The following NEB variants were observed in gnomAD, a reference collection of about 807,000 sequenced individuals.
The protein encoded by NEB is nemaline myopathy type 2.
NEB carries 512 observed loss-of-function variants against 952.2 expected under a neutral mutation model. The ratio of observed to expected loss-of-function variants is 0.54; its 90% CI spans 0.50 to 0.58. The LOEUF (loss-of-function observed/expected upper bound fraction) is 0.58, where lower values mean the gene tolerates loss of function less well. NEB is among the 20% of genes least tolerant of loss of function. The probability of loss-of-function intolerance (pLI) is 0.00; values close to 1 mark genes in which losing one functional copy is unlikely to be tolerated. For missense variants in NEB, 8,428 were observed against 9,231.1 expected, an observed-to-expected ratio of 0.91 and a Z score of 3.56; for synonymous variants, 2,900 against 3,149.8, an observed-to-expected ratio of 0.92 and a Z score of 2.66.
chr2:151,558,605 T>C (rs1383790997), intron 124 of NEB, among the ~76,000 whole-genome samples: 1 of 152,126 alleles, frequency 6.6e-6, no homozygotes, highest in Non-Finnish European at 1.5e-5. Flanking sequence ...AACAGATATA[T>C]AGACCAATGG....
intron 107 of NEB, among the ~76,000 whole-genome samples, chr2:151,573,911 G>A (rs550623411): frequency 3.8e-4 from 58 of 151,578 alleles, no homozygotes; most frequent in South Asian, 4.2e-4. Flanking sequence ...GACTTCTTCT[G>A]CAAATAATGA....
rs759578199 is a variant in NEB at position 151,554,988 on chromosome 2, A to C, written c.19371T>G (p.Ser6457Arg). Residue 6457 changes from serine to arginine, a missense_variant, in exon 125 of 182, where the codon AGT (serine) becomes AGG (arginine). Coordinates refer to ENST00000397345, the MANE Select transcript of NEB (RefSeq NM_001164508.2). ...GTGCTGTGTTCGGATCATCGTCAAC[A>C]CTTCTTGGTAACGTATAAAGAGCTT... Reference protein sequence around the residue: ...KFKALYTLPRSVDDDPNTARC... With the variant: ...KFKALYTLPRRVDDDPNTARC... 4.3e-6 allele frequency: 7 copies of C among 1,613,898 alleles called. No individual in the cohort carries two copies. The South Asian group carries it at 7.7e-5, about 18-fold the overall frequency.
chr2:151,575,907 G>T, intron 106 of NEB, 108 bp from the exon 107 acceptor site: 1 of 860,586 alleles, frequency 1.2e-6, no homozygotes, highest in Non-Finnish European at 1.9e-6. Context: ...ACCCTTTCAT[G>T]TTAGGGCAAA....
chr2:151,717,536 A>G lies in NEB; in HGVS notation c.718-16T>C, dbSNP rs1361081042. On this transcript the variant is annotated splice_polypyrimidine_tract_variant and intron_variant, in intron 9 of 181. Transcript: ENST00000397345. The stretch of plus-strand genomic sequence containing the variant: ...TGTAGGCAACCTGATGAAATAAAAG[A>G]CAGGGATGTATTTTAAAAACGATTA... The G allele has an allele frequency of 6.4e-7, 1 of 1,569,500 alleles. No individual in the cohort carries two copies. Among genetic ancestry groups the G allele is most frequent in the Non-Finnish European group, 8.8e-7 (1 of 1,140,080 alleles).
At chr2:151,731,804 G>T (rs1405071173) in intron 3 of NEB, among the ~76,000 whole-genome samples, 1 of 152,068 alleles carries the variant, frequency 6.6e-6, no homozygotes, top group Non-Finnish European at 1.5e-5. Context: ...ATTATCATAG[G>T]GAAGACAATT....
intron 66 of NEB, 136 bp from the exon 67 acceptor site, chr2:151,630,955 G>A (rs887286474): frequency 1.8e-6 from 2 of 1,137,864 alleles, no homozygotes; most frequent in Non-Finnish European, 1.2e-6. Context: ...CTGGAAGTGT[G>A]AGTCTTATTA....
At chr2:151,565,931 T>A (rs1350416341) in intron 114 of NEB, 111 bp from the exon 115 acceptor site, 2 of 673,110 alleles carry the variant, frequency 3.0e-6, no homozygotes, top group Non-Finnish European at 5.0e-6. Flanking sequence ...CTCTAGTAGT[T>A]TTCTCATTCA....
In NEB at chr2:151,529,278, T is replaced by C; in HGVS notation, c.21667A>G (p.Asn7223Asp). 1 of 1,613,646 alleles carries C rather than the reference T, an allele frequency of 6.2e-7. No individual in the cohort carries two copies. Among genetic ancestry groups the C allele is most frequent in the Non-Finnish European group, 8.5e-7 (1 of 1,179,532 alleles). ...YKEVYQRNKS[N>D]CTIEPDAVHI... ...ACAGCATCTGGCTCAATGGTGCAGT[T>C]GGATTTATTTCTTTGGTATACTTCT... is the stretch of plus-strand genomic sequence containing the variant. The change falls in exon 146 of 182, where the codon AAC (asparagine) becomes GAC (aspartate). Residue 7223 changes from asparagine to aspartate, a missense_variant. By Grantham distance (23) the Asn-to-Asp change is conservative. Transcript: ENST00000397345.
intron 71 of NEB, among the ~76,000 whole-genome samples, chr2:151,624,867 G>T (rs537096950): frequency 2.4e-4 from 36 of 152,288 alleles, no homozygotes; most frequent in African/African-American, 8.7e-4. Context: ...GCAAAGATAT[G>T]CAATGACAAG....
chr2:151,725,320 CT>C (rs1304935331), intron 6 of NEB, 132 bp downstream of exon 6: 3 of 754,084 alleles, frequency 4.0e-6, no homozygotes, highest in Non-Finnish European at 6.6e-6. Context: ...ATGGTTCATG[CT>C]TTTCTAGATT....
chr2:151,503,280 A>T (rs2066132251), intron 166 of NEB, 69 bp downstream of exon 166: 7 of 1,194,898 alleles, frequency 5.9e-6, no homozygotes, highest in Admixed American at 1.8e-5. Context: ...TACTTTCTTT[A>T]AAAAAGATGG....
At chr2:151,560,226 G>A (rs1315437108) in intron 124 of NEB, among the ~76,000 whole-genome samples, 2 of 152,110 alleles carry the variant, frequency 1.3e-5, no homozygotes, top group Admixed American at 1.3e-4. Context: ...CATATTCACT[G>A]GTTTATTTTT....
At chr2:151,643,124 C>A in intron 58 of NEB, 26 bp downstream of exon 58, 2 of 1,583,178 alleles carry the variant, frequency 1.3e-6, no homozygotes, top group Non-Finnish European at 1.7e-6. Context: ...AAATTAATAA[C>A]CTCCTCAAAC....
intron 12 of NEB, among the ~76,000 whole-genome samples, chr2:151,708,642 A>G (rs2099733574): frequency 6.6e-6 from 1 of 152,142 alleles, no homozygotes; most frequent in African/African-American, 2.4e-5. Context: ...AGTTTATACA[A>G]CTTTCCATAT....
chr2:151,707,408 C>T (rs975498070), intron 12 of NEB, among the ~76,000 whole-genome samples: 2 of 152,218 alleles, frequency 1.3e-5, no homozygotes. Flanking sequence ...CAGCTACCTA[C>T]CTGCCAACAC....
chr2:151,495,114 T>TATC (rs1467256073), intron 173 of NEB: 8 of 152,238 alleles, frequency 5.3e-5, no homozygotes, highest in Admixed American at 4.6e-4. Context: ...ACATTCAGCT[T>TATC]ATCATTAAGG....
intron 10 of NEB, among the ~76,000 whole-genome samples, chr2:151,713,197 C>G (rs2099749903): frequency 6.6e-6 from 1 of 152,136 alleles, no homozygotes; most frequent in African/African-American, 2.4e-5. Flanking sequence ...TATCTACTTT[C>G]AACATCTGAA....
Position 151,554,934 on chromosome 2 carries a change from G to C in NEB, c.19425C>G (p.Ile6475Met). Residue 6475 changes from isoleucine (I) to methionine (M), a missense_variant, in exon 125 of 182, where the codon ATC becomes ATG. Around this residue, in one of 11 missense-constraint regions of NEB, gnomAD observed 3,374 missense variants for 3,651.5 expected, o/e 0.92. Coordinates refer to ENST00000397345, the MANE Select transcript of NEB (RefSeq NM_001164508.2). Reference sequence around the variant, plus strand: ...AGGGGCGCATGACCGTACTTACATCGATGTTAAGCTTGCCAACTCGGAGGC... The same window carrying C: ...AGGGGCGCATGACCGTACTTACATCCATGTTAAGCTTGCCAACTCGGAGGC... ...ARCLRVGKLN[I>M]DRLYRSVYEK... 1 of 1,607,924 alleles carries C rather than the reference G, an allele frequency of 6.2e-7. No individual in the cohort carries two copies. Among genetic ancestry groups the C allele is most frequent in the Non-Finnish European group, 8.5e-7 (1 of 1,174,458 alleles).
Position 151,620,423 on chromosome 2 carries a change from TA to T in NEB, c.10560+495del, listed in dbSNP as rs1486665764. Among the ~76,000 whole-genome samples the T allele has an allele frequency of 2.8e-5, 4 of 142,080 alleles. No homozygotes were observed. In the East Asian group the frequency reaches 8.3e-4, roughly 30 times the overall value. The allele number at this position is 142,080 out of a possible 152,430, so 93.2% of individuals were successfully genotyped here. ...CAGAATTTAAACATTTAAAAACCTA[TA>T]AAAATGAACAATTTTACTACTCTTG... On this transcript the variant is annotated intron_variant, in intron 72 of 181. Transcript: ENST00000397345.
Sources: allele counts gnomAD v4.1 joint callset (sites outside exome capture counted in the v4.1 genomes callset), GRCh38; gene constraint gnomAD v4.1.1; regional missense constraint gnomAD v4.1.1; transcripts MANE v1.5; gene names NCBI Gene and HGNC (gene_info 2026-07-23, HGNC 2026-07-21).